Variants in CHFR observed in about 807,000 individuals in gnomAD.
The protein encoded by CHFR is checkpoint with forkhead and ring finger domains, also known as E3 ubiquitin-protein ligase CHFR.
CHFR carries 57 observed loss-of-function variants against 87.6 expected under a neutral mutation model. The observed-to-expected ratio is 0.65, with a 90% CI of 0.53 to 0.81. The LOEUF (loss-of-function observed/expected upper bound fraction) is 0.81. Ranked by LOEUF, CHFR falls within the 30% of genes least tolerant of loss-of-function variation. The probability of loss-of-function intolerance (pLI) is 0.00; values close to 1 mark genes in which losing one functional copy is unlikely to be tolerated. For missense variants in CHFR, 797 were observed against 865.8 expected, an observed-to-expected ratio of 0.92 and a Z score of 1.00; for synonymous variants, 381 against 359.2, an observed-to-expected ratio of 1.06 and a Z score of -0.69.
intron 12 of CHFR, among the ~76,000 whole-genome samples, chr12:132,850,115 G>A (rs1054739478): frequency 8.6e-5 from 13 of 152,036 alleles, no homozygotes; most frequent in Non-Finnish European, 1.2e-4. Context: ...CACCATACAC[G>A]GCTAATTTTT....
At chr12:132,844,547 G>A (rs113799585) in intron 15 of CHFR, among the ~76,000 whole-genome samples, 11,463 of 116,232 alleles carry the variant, frequency 0.099, 2,269 homozygotes, top group Non-Finnish European at 0.18. Context: ...GCCTCCCAAA[G>A]TGCTGGGATT....
At chr12:132,847,749 G>T in intron 14 of CHFR, 4 of 1,205,820 alleles carry the variant, frequency 3.3e-6, no homozygotes, top group Non-Finnish European at 4.2e-6. Context: ...AAAAGGCCCT[G>T]GTCTTGCTAA....
rs769922499 is a variant in CHFR, at chr12:132,843,039, G to A, written c.1888C>T (p.Arg630Cys). 1.2e-5 allele frequency: 20 copies of A among 1,613,188 alleles called. No homozygotes were observed. The highest frequency in any genetic ancestry group is 1.5e-5 in the Non-Finnish European group (18 of 1,179,766). ...GCGTGGTGAGCTTTCACCTGAGTGC[G>A]GCAGTTACGGCCCCAGTAGCAGTCA... is the stretch of plus-strand genomic sequence containing the variant. Reference protein sequence around the residue: ...RPDCYWGRNCRTQVKAHHAMK... With the variant: ...RPDCYWGRNCCTQVKAHHAMK... Residue 630 changes from arginine to cysteine, a missense_variant, in exon 17 of 18, where the codon CGC becomes TGC. Coordinates refer to ENST00000450056, the MANE Select transcript of CHFR (RefSeq NM_001161346.2).
chr12:132,867,609 G>A (rs1452152339), intron 6 of CHFR: 4 of 152,288 alleles, frequency 2.6e-5, no homozygotes, highest in Admixed American at 6.5e-5. Flanking sequence ...TGAGCTGAGC[G>A]GGCATTTCTG....
At chr12:132,877,733 T>C in intron 2 of CHFR, 79 bp from the exon 3 acceptor site, 1 of 820,498 alleles carries the variant, frequency 1.2e-6, no homozygotes, top group South Asian at 1.8e-5. Flanking sequence ...TACCAAAGTA[T>C]GTGGTTCCAA....
chr12:132,872,304 C>T lies in CHFR; in HGVS notation c.324G>A (p.Arg108=). The T allele has an allele frequency of 1.2e-6, 2 of 1,611,872 alleles. No homozygotes were observed. Among genetic ancestry groups the T allele is most frequent in the Non-Finnish European group, 1.7e-6 (2 of 1,177,974 alleles). ...TCTTACTGTGTTCCGGTTCATTCTT[C>T]CTGTACACCAAGTAGATGACATCCC... ...QTGDVIYLVY[R]KNEPEHNVAY... The change falls in exon 4 of 18, where the codon AGG becomes AGA. Residue 108 remains arginine, a synonymous_variant. Transcript: ENST00000450056.
At chr12:132,884,156 C>T (rs1239712267) in intron 2 of CHFR, among the ~76,000 whole-genome samples, 5 of 151,572 alleles carry the variant, frequency 3.3e-5, no homozygotes, top group African/African-American at 9.7e-5. Flanking sequence ...CAGTGGCTCA[C>T]GCCTGTAATC....
chr12:132,869,593 C>G (rs1368860034), intron 6 of CHFR, 26 bp downstream of exon 6: 1 of 1,548,254 alleles, frequency 6.5e-7, no homozygotes, highest in Non-Finnish European at 8.7e-7. Context: ...CAACCAGCAC[C>G]AAGACCTCAT....
chr12:132,870,308 C>T (rs1187981964), intron 5 of CHFR, among the ~76,000 whole-genome samples: 4 of 151,408 alleles, frequency 2.6e-5, no homozygotes, highest in African/African-American at 4.9e-5. Context: ...GCCGAGATCG[C>T]GCCACTGCAC....
intron 9 of CHFR, 31 bp downstream of exon 9, chr12:132,857,374 C>A (rs757444754): frequency 6.2e-7 from 1 of 1,610,180 alleles, no homozygotes; most frequent in South Asian, 1.1e-5. Flanking sequence ...CCCTCACGTG[C>A]CCGGGTGCTG....
intron 15 of CHFR, among the ~76,000 whole-genome samples, chr12:132,844,998 T>C (rs1950787748): frequency 6.6e-6 from 1 of 152,188 alleles, no homozygotes; most frequent in Non-Finnish European, 1.5e-5. Flanking sequence ...GAAAATTAGC[T>C]ATTTCTAAGT....
At chr12:132,842,705 C>T (rs1950727332) in intron 17 of CHFR, among the ~76,000 whole-genome samples, 1 of 152,230 alleles carries the variant, frequency 6.6e-6, no homozygotes, top group South Asian at 2.1e-4. Flanking sequence ...GCGAGGGGGG[C>T]CTGAGGCCCT....
At chr12:132,881,989 G>A (rs968116509) in intron 2 of CHFR, among the ~76,000 whole-genome samples, 32 of 152,090 alleles carry the variant, frequency 2.1e-4, no homozygotes, top group Non-Finnish European at 3.4e-4. Flanking sequence ...GAAACAATGC[G>A]GCAGTTTCTC....
chr12:132,862,015 G>A (rs770351568), intron 6 of CHFR: 10 of 213,992 alleles, frequency 4.7e-5, no homozygotes, highest in Admixed American at 2.1e-4. Flanking sequence ...GCTCACACCC[G>A]TAATCCCAGC....
At chr12:132,881,483 CAT>C (rs1566206653) in intron 2 of CHFR, among the ~76,000 whole-genome samples, 2 of 152,128 alleles carry the variant, frequency 1.3e-5, no homozygotes, top group Admixed American at 6.6e-5. Flanking sequence ...AAATTAAGCA[CAT>C]GACAAAATGC....
At chr12:132,866,001 T>A (rs544473558) in intron 6 of CHFR, 2 of 152,214 alleles carry the variant, frequency 1.3e-5, no homozygotes, top group Admixed American at 1.3e-4. Flanking sequence ...TGAAGTGTTA[T>A]TTTCTTTCAC....
chr12:132,845,472 AT>A (rs1950799215), intron 15 of CHFR, among the ~76,000 whole-genome samples: 1 of 151,324 alleles, frequency 6.6e-6, no homozygotes, highest in Non-Finnish European at 1.5e-5. Context: ...AAAAAAATAA[AT>A]AAATAAATAA....
rs772089817 is a variant in CHFR, at chr12:132,848,672, G to A, written c.1545C>T (p.Thr515=). ...FCHLYWGCTR[T]GCYGCLAPFC... ...ACGGGGCCAGGCAGCCGTAGCAGCC[G>A]GTCCGGGTGCAGCCCCAGTACAGGT... The change falls in exon 13 of 18, where the codon ACC becomes ACT. Residue 515 remains threonine, a synonymous_variant. Transcript: ENST00000450056. 1.9e-5 allele frequency: 30 copies of A among 1,596,830 alleles called. No individual in the cohort carries two copies. Among genetic ancestry groups the A allele is most frequent in the African/African-American group, 1.2e-4 (9 of 74,762 alleles).
intron 7 of CHFR, among the ~76,000 whole-genome samples, chr12:132,860,456 T>G (rs1306478832): frequency 1.3e-5 from 2 of 152,192 alleles, no homozygotes; most frequent in Non-Finnish European, 2.9e-5. Context: ...ATTTTTCCTG[T>G]GTAACTGTTG....
Sources: allele counts gnomAD v4.1 joint callset (sites outside exome capture counted in the v4.1 genomes callset), GRCh38; gene constraint gnomAD v4.1.1; transcripts MANE v1.5; gene names NCBI Gene and HGNC (gene_info 2026-07-23, HGNC 2026-07-21).